The following RHPN1 variants were observed in gnomAD, a reference collection of about 807,000 sequenced individuals.
RHPN1 encodes the protein rhophilin-1.
RHPN1 carries 77 observed loss-of-function variants against 74.7 expected under a neutral mutation model. The observed-to-expected ratio is 1.03, with a 90% CI of 0.86 to 1.25. The LOEUF (loss-of-function observed/expected upper bound fraction) is 1.25. Ranked by LOEUF, RHPN1 falls within the 50% of genes most tolerant of loss-of-function variation. The probability of loss-of-function intolerance (pLI) is 0.00; values close to 1 mark genes in which losing one functional copy is unlikely to be tolerated. For synonymous variants in RHPN1, 444 were observed against 414.5 expected (o/e 1.07, Z -0.87); for missense variants, 987 against 932.2 (o/e 1.06, Z -0.77).
Position 143,369,009 on chromosome 8 carries a change from G to A in RHPN1, c.22G>A (p.Asp8Asn). MILEERP[D>N]GAGAGEESPR... ...GGCGATGATCCTGGAGGAGAGGCCG[G>A]ACGGCGCGGGCGCCGGCGAGGAGAG... Residue 8 changes from aspartate to asparagine, a missense_variant, in exon 1 of 15, where the codon GAC (aspartate) becomes AAC (asparagine). Transcript: ENST00000289013. 2 of 1,496,686 alleles carry A rather than the reference G, an allele frequency of 1.3e-6. No homozygotes were observed. Among genetic ancestry groups the A allele is most frequent in the Non-Finnish European group, 1.8e-6 (2 of 1,130,820 alleles). The allele number at this position is 1,496,686 out of a possible 1,614,324, so 92.7% of individuals were successfully genotyped here.
At chr8:143,376,820 G>A (rs932526629) in intron 3 of RHPN1, among the ~76,000 whole-genome samples, 167 bp downstream of exon 3, 1 of 149,752 alleles carries the variant, frequency 6.7e-6, no homozygotes, top group Non-Finnish European at 1.5e-5. Context: ...GTGTGTCTGT[G>A]TGCATGTGTC....
intron 11 of RHPN1, 75 bp from the exon 12 acceptor site, chr8:143,381,193 G>T: frequency 7.8e-7 from 1 of 1,287,352 alleles, no homozygotes; most frequent in Non-Finnish European, 1.1e-6. Flanking sequence ...TCAGGGTCAT[G>T]CCCTGCGCCC....
chr8:143,382,286 C>A (rs1190140620), intron 14 of RHPN1, 150 bp from the exon 15 acceptor site: 4 of 712,750 alleles, frequency 5.6e-6, no homozygotes, highest in Non-Finnish European at 9.3e-6. Context: ...AACCCATGGG[C>A]CCCTGCTATG....
intron 1 of RHPN1, among the ~76,000 whole-genome samples, chr8:143,371,212 C>G (rs1484049659): frequency 1.3e-5 from 2 of 152,176 alleles, no homozygotes; most frequent in African/African-American, 4.8e-5. Flanking sequence ...CAGGAGACAC[C>G]TGTGCAGCAA....
In RHPN1 at chr8:143,368,994, C is replaced by G; in HGVS notation, c.7C>G (p.Leu3Val). ...CAGCGCAGCGGGTGCGGCGATGATCCTGGAGGAGAGGCCGGACGGCGCGGG... is the reference window on the plus strand; with the variant it reads ...CAGCGCAGCGGGTGCGGCGATGATCGTGGAGGAGAGGCCGGACGGCGCGGG... MI[L>V]EERPDGAGAG... is the part of the protein sequence containing the mutation. Residue 3 changes from leucine (L) to valine (V), a missense_variant, in exon 1 of 15, where the codon CTG becomes GTG. Coordinates refer to ENST00000289013, the MANE Select transcript of RHPN1 (RefSeq NM_052924.3). 6.7e-7 allele frequency: 1 copy of G among 1,494,746 alleles called. No homozygotes were observed. The highest frequency in any genetic ancestry group is 2.8e-5 in the East Asian group (1 of 35,712). 92.6% of individuals were successfully genotyped at this position (1,494,746 alleles called of 1,614,324 possible).
upstream of RHPN1, chr8:143,367,794 G>A (rs1407071825): frequency 6.6e-6 from 1 of 152,396 alleles, no homozygotes; most frequent in East Asian, 1.9e-4. Context: ...AGGAGCCGTG[G>A]TTACCGCCTG....
rs779200902 is a variant in RHPN1, at chr8:143,374,163, G to T, written c.61-1390G>T. On this transcript the variant is annotated intron_variant, in intron 1 of 14. Coordinates refer to ENST00000289013, the MANE Select transcript of RHPN1 (RefSeq NM_052924.3). ...TCTAGGAGAAAACCCAGGAAAACAC[G>T]TGTGAGCTCTTTACGGGGAAGACGG... 4.1e-6 allele frequency: 4 copies of T among 985,326 alleles called. No individual in the cohort carries two copies. The East Asian group carries it at 3.4e-4, about 84-fold the overall frequency. The allele number at this position is 985,326 out of a possible 1,614,324, so 61.0% of individuals were successfully genotyped here. A position where few individuals can be genotyped will look rare whatever the true frequency, so the allele number is the denominator to read the frequency against.
intron 10 of RHPN1, 137 bp from the exon 11 acceptor site, chr8:143,380,452 C>T (rs534940102): frequency 1.1e-5 from 9 of 802,100 alleles, no homozygotes; most frequent in African/African-American, 8.7e-5. Flanking sequence ...ACAGCCAGCT[C>T]CTCACCCCCG....
chr8:143,369,948 G>T (rs1408171548), intron 1 of RHPN1, among the ~76,000 whole-genome samples: 1 of 152,246 alleles, frequency 6.6e-6, no homozygotes, highest in East Asian at 1.9e-4. Flanking sequence ...TCACTGGGCT[G>T]GTGATGCTGA....
At chr8:143,375,457 C>A in intron 1 of RHPN1, 96 bp from the exon 2 acceptor site, 2 of 780,148 alleles carry the variant, frequency 2.6e-6, no homozygotes, top group Non-Finnish European at 4.0e-6. Flanking sequence ...ATCCCGTTAC[C>A]CATGGGCAGG....
intron 2 of RHPN1, among the ~76,000 whole-genome samples, chr8:143,376,146 C>T (rs561224118): frequency 5.9e-5 from 9 of 152,216 alleles, no homozygotes; most frequent in Non-Finnish European, 1.2e-4. Flanking sequence ...TGGGGACCTC[C>T]GGTCCCTTTG....
chr8:143,366,723 C>T (rs1817562911), upstream of RHPN1: 2 of 152,226 alleles, frequency 1.3e-5, no homozygotes, highest in Admixed American at 1.3e-4. Flanking sequence ...TTGAGAGCCT[C>T]TCTTAACTTC....
In RHPN1 at chr8:143,381,583, T is replaced by C; in HGVS notation, c.1500T>C (p.Ser500=). 2.5e-6 allele frequency: 4 copies of C among 1,608,728 alleles called. No individual in the cohort carries two copies. The highest frequency in any genetic ancestry group is 3.4e-6 in the Non-Finnish European group (4 of 1,179,046). ...TGAGCCCCTGCCAGGGGCCCCTGTC[T>C]GTGTTCTCAGCCAAGAACCGGTGGC... ...PDIFHRLGPL[S]VFSAKNRWRL... is the part of the protein sequence containing the mutation. The change falls in exon 13 of 15, where the codon TCT becomes TCC. Residue 500 remains serine (S), a synonymous_variant. Coordinates refer to ENST00000289013, the MANE Select transcript of RHPN1 (RefSeq NM_052924.3).
Position 143,375,602 on chromosome 8 carries a change from G to A in RHPN1, c.110G>A (p.Arg37Lys). The change falls in exon 2 of 15, where the codon AGG (arginine) becomes AAG (lysine). Residue 37 changes from arginine to lysine, a missense_variant. Transcript: ENST00000289013. ...QIQCGQLQSR[R>K]AQIHQQIDKE... Reference sequence around the variant, plus strand: ...CAGTGCGGCCAGCTGCAGAGCCGCAGGGCCCAGATTCACCAGCAGATTGAC... The same window carrying A: ...CAGTGCGGCCAGCTGCAGAGCCGCAAGGCCCAGATTCACCAGCAGATTGAC... 2 of 1,608,164 alleles carry A rather than the reference G, an allele frequency of 1.2e-6. No individual in the cohort carries two copies. The highest frequency in any genetic ancestry group is 1.7e-6 in the Non-Finnish European group (2 of 1,178,052).
In RHPN1 at chr8:143,379,069, AGGGCCGCTGGTGAGGGCGGCCC is replaced by A; in HGVS notation, c.750_751+20del. On this transcript the variant is annotated splice_donor_variant and splice_donor_5th_base_variant and coding_sequence_variant and intron_variant, in exon 7 of 15. Coordinates refer to ENST00000289013, the MANE Select transcript of RHPN1 (RefSeq NM_052924.3). LOFTEE classifies it high-confidence loss of function. ...CCGCCGCGCTATGGAGGCCTTCCAG[AGGGCCGCTGGTGAGGGCGGCCC>A]GGGCCGCGGTGGGGCACGGCGCGGT... 6.6e-7 allele frequency: 1 copy of A among 1,521,746 alleles called. No individual in the cohort carries two copies. The highest frequency in any genetic ancestry group is 8.8e-7 in the Non-Finnish European group (1 of 1,134,740). 94.3% of individuals were successfully genotyped at this position (1,521,746 alleles called of 1,614,324 possible).
intron 3 of RHPN1, among the ~76,000 whole-genome samples, chr8:143,377,086 G>C (rs1388216993): frequency 6.6e-6 from 1 of 151,728 alleles, no homozygotes; most frequent in Non-Finnish European, 1.5e-5. Flanking sequence ...GCACGTGTGT[G>C]CATATATGTG....
intron 1 of RHPN1, among the ~76,000 whole-genome samples, chr8:143,374,855 G>A (rs1258851772): frequency 6.6e-6 from 1 of 152,206 alleles, no homozygotes; most frequent in Non-Finnish European, 1.5e-5. Flanking sequence ...AAGGGGCCCC[G>A]CTGGGCACGC....
chr8:143,378,693 C>T lies in RHPN1; in HGVS notation c.460-3C>T. 2 of 1,593,430 alleles carry T rather than the reference C, an allele frequency of 1.3e-6. No homozygotes were observed. The highest frequency in any genetic ancestry group is 1.7e-4 in the Middle Eastern group (1 of 5,922). The stretch of plus-strand genomic sequence containing the variant: ...GTGGGGCCCAGTGGCTCCTGCCCTG[C>T]AGGCCATGCGGACCCCCAGCCGGAA... On this transcript the variant is annotated splice_polypyrimidine_tract_variant and splice_region_variant and intron_variant, in intron 5 of 14. Coordinates refer to ENST00000289013, the MANE Select transcript of RHPN1 (RefSeq NM_052924.3).
At position 143,368,945 on chromosome 8, in the gene RHPN1, G is replaced by C; in HGVS notation, c.-43G>C. 7.0e-7 allele frequency: 1 copy of C among 1,423,276 alleles called. No individual in the cohort carries two copies. Among genetic ancestry groups the C allele is most frequent in the Non-Finnish European group, 9.2e-7 (1 of 1,089,954 alleles). The allele number at this position is 1,423,276 out of a possible 1,614,324, so 88.2% of individuals were successfully genotyped here. On this transcript the variant is annotated 5_prime_UTR_variant, in exon 1 of 15. Coordinates refer to ENST00000289013, the MANE Select transcript of RHPN1 (RefSeq NM_052924.3). ...GCTGCGGAGCGCTGCGCGAGCGGCG[G>C]GCTGGCTGACCCCGAGGGACCCCCA...
Sources: allele counts gnomAD v4.1 joint callset (sites outside exome capture counted in the v4.1 genomes callset), GRCh38; gene constraint gnomAD v4.1.1; transcripts MANE v1.5; gene names NCBI Gene and HGNC (gene_info 2026-07-23, HGNC 2026-07-21).